The following EDARADD variants were observed in gnomAD, a reference collection of about 807,000 sequenced individuals.
EDARADD encodes ectodysplasin-A receptor-associated adapter protein.
Under a neutral mutation model 25.6 loss-of-function variants are expected in EDARADD, and 20 were observed. The observed-to-expected ratio is 0.78, with a 90% CI of 0.55 to 1.14. The LOEUF (loss-of-function observed/expected upper bound fraction) is 1.14, where lower values mean the gene tolerates loss of function less well. EDARADD is among the 50% of genes most tolerant of loss of function. The pLI, the probability that EDARADD is intolerant of heterozygous loss-of-function variation, is 0.00. For missense variants in EDARADD, 225 were observed against 270.1 expected (o/e 0.83, Z 1.17); for synonymous variants, 86 against 94.4 (o/e 0.91, Z 0.52).
chr1:236,434,892 G>C (rs1471767546), intron 4 of EDARADD, among the ~76,000 whole-genome samples: 1 of 152,208 alleles, frequency 6.6e-6, no homozygotes, highest in Non-Finnish European at 1.5e-5. Context: ...CTGTGCCTGG[G>C]AGATGGATGC....
chr1:236,351,070 T>C (rs1038709018), intron 3 of EDARADD, among the ~76,000 whole-genome samples: 1 of 151,688 alleles, frequency 6.6e-6, no homozygotes, highest in Non-Finnish European at 1.5e-5. Context: ...GCCCAGGAAT[T>C]GAAGGCTGTG....
At chr1:236,434,770 A>G (rs1658196796) in intron 4 of EDARADD, among the ~76,000 whole-genome samples, 2 of 152,140 alleles carry the variant, frequency 1.3e-5, no homozygotes, top group South Asian at 4.2e-4. Context: ...CAGAGCCTTG[A>G]ATGCCGGAGA....
chr1:236,471,077 G>GT (rs1659347330), intron 5 of EDARADD, among the ~76,000 whole-genome samples: 2 of 152,292 alleles, frequency 1.3e-5, no homozygotes, highest in Admixed American at 6.5e-5. Flanking sequence ...GAGTTTGCTT[G>GT]TTTTTTTCAC....
rs1659762408 is a variant in EDARADD, at chr1:236,484,115, GGAT to G, written c.*1470_*1472del. The G allele has an allele frequency of 1.8e-5, 28 of 1,555,530 alleles. No individual in the cohort carries two copies. Among genetic ancestry groups the G allele is most frequent in the Middle Eastern group, 1.7e-4 (1 of 5,762 alleles). On this transcript the variant is annotated 3_prime_UTR_variant, in exon 6 of 6. Transcript: ENST00000334232. This position sits in a 1 kb window ranked among gnomAD's most constrained non-coding sequence, Gnocchi z 4.1. The stretch of plus-strand genomic sequence containing the variant: ...CCAGTGCAGGAATCCAGGTAGTGGA[GGAT>G]GATCTCAGAGTGACCAACCCAAAGA...
intron 3 of EDARADD, among the ~76,000 whole-genome samples, chr1:236,360,402 A>G (rs1455355936): frequency 6.6e-6 from 1 of 152,102 alleles, no homozygotes; most frequent in Non-Finnish European, 1.5e-5. Context: ...TATGACATCC[A>G]TCCAAGGTCA....
At chr1:236,361,085 C>G (rs1409934675) in intron 3 of EDARADD, among the ~76,000 whole-genome samples, 1 of 152,116 alleles carries the variant, frequency 6.6e-6, no homozygotes, top group Non-Finnish European at 1.5e-5. Flanking sequence ...ACAGTTGACA[C>G]ACAACAAAGT....
intron 1 of EDARADD, among the ~76,000 whole-genome samples, chr1:236,403,481 G>T (rs1423002364): frequency 6.6e-6 from 1 of 151,212 alleles, no homozygotes; most frequent in African/African-American, 2.4e-5. Flanking sequence ...TAGAGACGGG[G>T]TTTCACCACG....
Position 236,484,173 on chromosome 1 carries a change from T to C in EDARADD, c.*1524T>C. 1 of 1,194,812 alleles carries C rather than the reference T, an allele frequency of 8.4e-7. No homozygotes were observed. The highest frequency in any genetic ancestry group is 1.3e-6 in the Non-Finnish European group (1 of 798,372). The allele number at this position is 1,194,812 out of a possible 1,614,324, so 74.0% of individuals were successfully genotyped here. On this transcript the variant is annotated 3_prime_UTR_variant, in exon 6 of 6. Transcript: ENST00000334232. This position sits in a 1 kb window ranked among gnomAD's most constrained non-coding sequence, Gnocchi z 4.1. ...AGCCTCGGCCGTGAATGAGAAGAAGTGCAACTGCCTCCTGCTCAAAGTGAA... is the reference window on the plus strand; with the variant it reads ...AGCCTCGGCCGTGAATGAGAAGAAGCGCAACTGCCTCCTGCTCAAAGTGAA...
chr1:236,456,010 C>T (rs1457679761), intron 4 of EDARADD, among the ~76,000 whole-genome samples: 4 of 152,166 alleles, frequency 2.6e-5, no homozygotes, highest in South Asian at 2.1e-4. Flanking sequence ...AGGATGGTCT[C>T]GATCTGCTGA....
In EDARADD at chr1:236,426,213, A is replaced by G. The variant is rs905806986; in HGVS notation, c.161-1179A>G. Among the ~76,000 whole-genome samples the G allele has an allele frequency of 2.1e-4, 32 of 152,084 alleles. 1 individual carries two copies. The highest frequency in any genetic ancestry group is 7.7e-4 in the African/African-American group (32 of 41,398). On this transcript the variant is annotated intron_variant, in intron 3 of 5. Coordinates refer to ENST00000334232, the MANE Select transcript of EDARADD (RefSeq NM_145861.4). ...AGGCTGCTCTTAAACTCCTGCCTCA[A>G]GTGCTCCTCCTGCCTCAGCCTCCTG... is the stretch of plus-strand genomic sequence containing the variant.
Position 236,483,185 on chromosome 1 carries a change from T to C in EDARADD, c.*536T>C, listed in dbSNP as rs1571964130. On this transcript the variant is annotated 3_prime_UTR_variant, in exon 6 of 6. Transcript: ENST00000334232. ...TCACCATGTCTATTCTCAAGATCCATGCCAGGGAGCTCTTTGACTCTCGTG... is the reference window on the plus strand; with the variant it reads ...TCACCATGTCTATTCTCAAGATCCACGCCAGGGAGCTCTTTGACTCTCGTG... The C allele has an allele frequency of 1.1e-5, 17 of 1,568,076 alleles. 1 individual carries two copies. In the South Asian group the frequency reaches 1.4e-4, roughly 13 times the overall value.
In EDARADD at chr1:236,407,690, G is replaced by C. The variant is rs561609086; in HGVS notation, c.62-1526G>C. ...ACTGCCACTTAGGGTACTGCAGGTC[G>C]TTCACTGCACAAATCTGGAGGATCC... On this transcript the variant is annotated intron_variant, in intron 1 of 5. Transcript: ENST00000334232. 2.0e-5 allele frequency among the ~76,000 whole-genome samples: 3 copies of C among 152,254 alleles called. No individual in the cohort carries two copies. In the South Asian group the frequency reaches 6.2e-4, roughly 32 times the overall value.
intron 3 of EDARADD, among the ~76,000 whole-genome samples, chr1:236,362,917 GC>G (rs1667066283): frequency 7.1e-6 from 1 of 140,696 alleles, no homozygotes; most frequent in South Asian, 2.3e-4. Context: ...TGTAATCCCA[GC>G]ATTTTGGGAA....
At chr1:236,379,944 T>G (rs187594383) in intron 3 of EDARADD, among the ~76,000 whole-genome samples, 1 of 152,348 alleles carries the variant, frequency 6.6e-6, no homozygotes, top group African/African-American at 2.4e-5. Context: ...CTTGCTTATT[T>G]TAAGTAGGCG....
intron 4 of EDARADD, among the ~76,000 whole-genome samples, chr1:236,461,776 G>T (rs1258985648): frequency 6.6e-6 from 1 of 152,168 alleles, no homozygotes; most frequent in Non-Finnish European, 1.5e-5. Flanking sequence ...CCAGCCTGGG[G>T]CATGCTTTCC....
intron 3 of EDARADD, among the ~76,000 whole-genome samples, chr1:236,383,931 A>G (rs1362175374): frequency 6.6e-6 from 1 of 152,192 alleles, no homozygotes; most frequent in Non-Finnish European, 1.5e-5. Flanking sequence ...GAGCCCCGGT[A>G]GGTCGAGGCT....
chr1:236,438,991 G>A (rs950272691), intron 4 of EDARADD, among the ~76,000 whole-genome samples: 16 of 152,190 alleles, frequency 1.1e-4, no homozygotes, highest in African/African-American at 3.9e-4. Context: ...AATCCTCTGA[G>A]CTCCACCCAT....
chr1:236,416,451 A>C (rs1167330800), intron 3 of EDARADD, among the ~76,000 whole-genome samples: 1 of 152,158 alleles, frequency 6.6e-6, no homozygotes, highest in Non-Finnish European at 1.5e-5. Context: ...CTTAAGTGTG[A>C]TTTCCTGTTT....
At chr1:236,463,243 C>T (rs1290043367) in intron 4 of EDARADD, among the ~76,000 whole-genome samples, 1 of 152,182 alleles carries the variant, frequency 6.6e-6, no homozygotes, top group South Asian at 2.1e-4. Flanking sequence ...CTGCCCACAT[C>T]GTTTGAGAGA....
Sources: gnomAD v4.1 joint callset for allele counts (sites outside exome capture counted in the v4.1 genomes callset) on GRCh38, gnomAD v4.1.1 for gene constraint, Gnocchi (gnomAD v3.1) non-coding constraint, MANE v1.5 for transcripts, NCBI Gene and HGNC (gene_info 2026-07-23, HGNC 2026-07-21) for gene names.